Variants in TUBE1 observed in about 807,000 individuals in gnomAD.
TUBE1 encodes tubulin epsilon chain.
TUBE1 carries 34 observed loss-of-function variants against 53.5 expected under a neutral mutation model. That is an observed-to-expected ratio of 0.64 (90% CI 0.48 to 0.85). The LOEUF is 0.85. Ranked by LOEUF, TUBE1 falls within the 40% of genes least tolerant of loss-of-function variation. TUBE1 has a pLI of 0.00. For synonymous variants in TUBE1, 177 were observed against 198.4 expected, an observed-to-expected ratio of 0.89 and a Z score of 0.91; for missense variants, 532 against 570.5, an observed-to-expected ratio of 0.93 and a Z score of 0.69.
In TUBE1 at chr6:112,076,080, G is replaced by A. The variant is rs901701765; in HGVS notation, c.669C>T (p.Leu223=). Residue 223 remains leucine, a synonymous_variant, in exon 8 of 12, where the codon CTC becomes CTT. Transcript: ENST00000368662. ...SLFDIISKID[L]MVNSGKLGTT... is the part of the protein sequence containing the mutation. ...TACCCAACTTTCCAGAATTCACCAT[G>A]AGGTCGATTTTGCTAATGATGTCAA... 1 of 1,613,176 alleles carries A rather than the reference G, an allele frequency of 6.2e-7. No homozygotes were observed. Among genetic ancestry groups the A allele is most frequent in the Non-Finnish European group, 8.5e-7 (1 of 1,179,608 alleles).
At chr6:112,079,029 A>G (rs1777021513) in intron 6 of TUBE1, among the ~76,000 whole-genome samples, 2 of 152,084 alleles carry the variant, frequency 1.3e-5, no homozygotes, top group Non-Finnish European at 2.9e-5. Flanking sequence ...GGGGAGCAAA[A>G]TACTTCAGTT....
At chr6:112,081,297 A>G in intron 4 of TUBE1, 90 bp from the exon 5 acceptor site, 1 of 605,700 alleles carries the variant, frequency 1.7e-6, no homozygotes, top group Non-Finnish European at 2.8e-6. Context: ...TGAATATTGC[A>G]CTGTTCTCTT....
chr6:112,081,686 C>A (rs1777072881), intron 4 of TUBE1, among the ~76,000 whole-genome samples: 1 of 151,920 alleles, frequency 6.6e-6, no homozygotes, highest in African/African-American at 2.4e-5. Flanking sequence ...ACAACATGGT[C>A]CCTTCCCCCA....
At position 112,071,308 on chromosome 6, in the gene TUBE1, C is replaced by T. The variant is rs1024605092; in HGVS notation, c.*104G>A. Reference sequence around the variant, plus strand: ...CACTCTTTTAGACAAAAATATTTCCCGATAATATGAAAAAACTGGAGTTTC... The same window carrying T: ...CACTCTTTTAGACAAAAATATTTCCTGATAATATGAAAAAACTGGAGTTTC... On this transcript the variant is annotated 3_prime_UTR_variant, in exon 12 of 12. Coordinates refer to ENST00000368662, the MANE Select transcript of TUBE1 (RefSeq NM_016262.5). 37 of 1,141,572 alleles carry T rather than the reference C, an allele frequency of 3.2e-5. No individual in the cohort carries two copies. Among genetic ancestry groups the T allele is most frequent in the East Asian group, 7.5e-5 (3 of 40,148 alleles). 70.7% of individuals were successfully genotyped at this position (1,141,572 alleles called of 1,614,324 possible). A position where few individuals can be genotyped will look rare whatever the true frequency, so the allele number is the denominator to read the frequency against.
intron 3 of TUBE1, 38 bp from the exon 4 acceptor site, chr6:112,084,284 T>C: frequency 6.5e-7 from 1 of 1,529,596 alleles, no homozygotes; most frequent in East Asian, 2.3e-5. Context: ...CATAAGATCT[T>C]CCATGGCTAA....
At chr6:112,078,181 G>C (rs1399135204) in intron 6 of TUBE1, 1 of 151,980 alleles carries the variant, frequency 6.6e-6, no homozygotes, top group African/African-American at 2.4e-5. Flanking sequence ...AAGGTATATA[G>C]GTAATATCAG....
intron 9 of TUBE1, 55 bp downstream of exon 9, chr6:112,074,655 A>G: frequency 7.4e-7 from 1 of 1,345,998 alleles, no homozygotes; most frequent in Non-Finnish European, 9.7e-7. Context: ...TCTCTTAAAA[A>G]TGTTTTTTAA....
At chr6:112,085,784 T>C (rs1554317257) in intron 3 of TUBE1, 2 of 463,602 alleles carry the variant, frequency 4.3e-6, no homozygotes, top group African/African-American at 4.0e-5. Context: ...AATGAGAATT[T>C]GGTCTTTGGT....
At chr6:112,087,157 C>T in intron 2 of TUBE1, 76 bp downstream of exon 2, 1 of 1,320,846 alleles carries the variant, frequency 7.6e-7, no homozygotes. Flanking sequence ...GATGAAAGCT[C>T]AAGTCGATTA....
chr6:112,087,304 C>G lies in TUBE1; in HGVS notation c.28G>C (p.Gly10Arg). ...CAGCCGATCTGGTTTCCGCACTGGC[C>G]GACTGCGACCGGAGGAGAGGAAGGA... MTQSVVVQVGQCGNQIGCCF... is the reference protein window; with the variant it reads MTQSVVVQVRQCGNQIGCCF... The change falls in exon 2 of 12, where the codon GGC (glycine) becomes CGC (arginine). Residue 10 changes from glycine to arginine, a missense_variant and splice_region_variant. Coordinates refer to ENST00000368662, the MANE Select transcript of TUBE1 (RefSeq NM_016262.5). The G allele has an allele frequency of 4.5e-6, 7 of 1,552,342 alleles. No individual in the cohort carries two copies. Among genetic ancestry groups the G allele is most frequent in the Non-Finnish European group, 6.1e-6 (7 of 1,147,324 alleles).
At chr6:112,072,581 T>C (rs587744940) in intron 10 of TUBE1, among the ~76,000 whole-genome samples, 177 bp downstream of exon 10, 13 of 152,234 alleles carry the variant, frequency 8.5e-5, no homozygotes, top group African/African-American at 3.1e-4. Context: ...CCATGTACTA[T>C]TATTATCCTT....
intron 11 of TUBE1, 106 bp from the exon 12 acceptor site, chr6:112,071,676 C>G (rs1776868322): frequency 2.8e-6 from 3 of 1,055,488 alleles, no homozygotes; most frequent in Non-Finnish European, 4.0e-6. Flanking sequence ...TCATTCAGCT[C>G]TACATTTGAA....
chr6:112,078,552 G>A (rs1386112094), intron 6 of TUBE1: 1 of 151,984 alleles, frequency 6.6e-6, no homozygotes, highest in African/African-American at 2.4e-5. Flanking sequence ...CTGATCATCT[G>A]TAAGGACAGG....
chr6:112,081,799 GA>G (rs66773667), intron 4 of TUBE1, among the ~76,000 whole-genome samples: 14,755 of 105,430 alleles, frequency 0.14, 907 homozygotes, highest in South Asian at 0.26. Context: ...ATTAATTATG[GA>G]AAAAAAAAAA....
At chr6:112,073,323 T>C (rs1273674991) in intron 9 of TUBE1, among the ~76,000 whole-genome samples, 2 of 152,174 alleles carry the variant, frequency 1.3e-5, no homozygotes, top group African/African-American at 4.8e-5. Context: ...GTAAAGTATA[T>C]TATATCATAA....
At chr6:112,081,839 T>C (rs1211777516) in intron 4 of TUBE1, among the ~76,000 whole-genome samples, 3 of 150,594 alleles carry the variant, frequency 2.0e-5, no homozygotes, top group African/African-American at 4.9e-5. Context: ...GAAGGACATC[T>C]AGTAAAACGT....
In TUBE1 at chr6:112,076,425, TA is replaced by T; in HGVS notation, c.532del (p.Tyr178IlefsTer9). ...TATGACATCATCCTCACCAGAAGGA[TA>T]AATGGAAGTCACAAATCTGTATACT... is the stretch of plus-strand genomic sequence containing the variant. The part of the protein sequence containing the change: ...PEVYRFVTSI[Y>X]PSGEDDVITS... On this transcript the variant is annotated frameshift_variant, in exon 7 of 12. Transcript: ENST00000368662. LOFTEE classifies it high-confidence loss of function. The T allele has an allele frequency of 3.7e-6, 6 of 1,613,620 alleles. No individual in the cohort carries two copies. Among genetic ancestry groups the T allele is most frequent in the Non-Finnish European group, 5.1e-6 (6 of 1,179,826 alleles).
At position 112,071,944 on chromosome 6, in the gene TUBE1, G is replaced by T; in HGVS notation, c.1227C>A (p.Phe409Leu). The change falls in exon 11 of 12, where the codon TTC becomes TTA. Residue 409 changes from phenylalanine to leucine, a missense_variant. Physicochemically the swap from Phe to Leu is conservative, Grantham distance 22. Transcript: ENST00000368662. ...LANNTCVKPTFMELKERFMRL... is the reference protein window; with the variant it reads ...LANNTCVKPTLMELKERFMRL... ...TCATGAATCTCTCTTTCAGTTCCAT[G>T]AAGGTGGGCTTCACACATGTGTTAT... 1 of 1,610,346 alleles carries T rather than the reference G, an allele frequency of 6.2e-7. No individual in the cohort carries two copies. Among genetic ancestry groups the T allele is most frequent in the Non-Finnish European group, 8.5e-7 (1 of 1,178,836 alleles).
At chr6:112,078,859 T>C (rs907221956) in intron 6 of TUBE1, among the ~76,000 whole-genome samples, 3 of 152,088 alleles carry the variant, frequency 2.0e-5, no homozygotes, top group African/African-American at 4.8e-5. Context: ...TGTCAATGAA[T>C]AATATGTATA....
Sources: gnomAD v4.1 joint callset for allele counts (sites outside exome capture counted in the v4.1 genomes callset) on GRCh38, gnomAD v4.1.1 for gene constraint, MANE v1.5 for transcripts, NCBI Gene and HGNC (gene_info 2026-07-23, HGNC 2026-07-21) for gene names.